Variants in HACE1 observed in about 807,000 individuals in gnomAD.
HACE1 encodes the protein E3 ubiquitin-protein ligase HACE1.
HACE1 carries 73 observed loss-of-function variants against 118.4 expected under a neutral mutation model. That is an observed-to-expected ratio of 0.62 (90% CI 0.51 to 0.75). The LOEUF is 0.75. Ranked by LOEUF, HACE1 falls within the 30% of genes least tolerant of loss-of-function variation. The pLI is 0.00. For synonymous variants in HACE1, 368 were observed against 374.8 expected (o/e 0.98, Z 0.21); for missense variants, 749 against 1,102.2 (o/e 0.68, Z 4.54).
Position 104,795,625 on chromosome 6 carries a change from T to C in HACE1, c.877A>G (p.Thr293Ala). The C allele has an allele frequency of 6.2e-7, 1 of 1,613,188 alleles. No homozygotes were observed. Among genetic ancestry groups the C allele is most frequent in the Non-Finnish European group, 8.5e-7 (1 of 1,179,224 alleles). The change falls in exon 10 of 24, where the codon ACA (threonine) becomes GCA (alanine). Residue 293 changes from threonine (T) to alanine (A), a missense_variant. This residue lies in a region of HACE1 where 267 missense variants were observed against 312.2 expected (regional missense o/e 0.86). Transcript: ENST00000262903. ...GTTGTAGCAACTTCAGCAAGGCTTG[T>C]TAGAATCTTTAGGTACTGGCTTTCA... The part of the protein sequence containing the change: ...QSESQYLKIL[T>A]SLAEVATTNG...
intron 22 of HACE1, 81 bp downstream of exon 22, chr6:104,744,079 T>G (rs774345937): frequency 5.9e-6 from 5 of 840,794 alleles, no homozygotes; most frequent in Admixed American, 1.8e-5. Flanking sequence ...AGAGTAATAA[T>G]TCCTTATTTT....
intron 9 of HACE1, among the ~76,000 whole-genome samples, chr6:104,796,085 G>A (rs1351049935): frequency 6.6e-6 from 1 of 151,860 alleles, no homozygotes; most frequent in East Asian, 1.9e-4. Flanking sequence ...TCTTGCCATG[G>A]GAATATTATT....
intron 5 of HACE1, among the ~76,000 whole-genome samples, chr6:104,835,128 G>A (rs2115106530): frequency 6.6e-6 from 1 of 152,320 alleles, no homozygotes; most frequent in African/African-American, 2.4e-5. Context: ...CAGTTCAAGA[G>A]TAAATGCCTA....
At chr6:104,775,419 T>C (rs997017268) in intron 17 of HACE1, among the ~76,000 whole-genome samples, 1 of 151,938 alleles carries the variant, frequency 6.6e-6, no homozygotes, top group Non-Finnish European at 1.5e-5. Flanking sequence ...TATGGGTCTA[T>C]GTACTTCAAC....
At chr6:104,777,800 TC>T (rs199596685) in intron 14 of HACE1, among the ~76,000 whole-genome samples, 2,036 of 152,310 alleles carry the variant, frequency 0.013, 25 homozygotes, top group Non-Finnish European at 0.02. Context: ...CACTCTGTTG[TC>T]CAGGCTGGAG....
chr6:104,833,281 A>G, intron 5 of HACE1, 108 bp from the exon 6 acceptor site: 1 of 990,302 alleles, frequency 1.0e-6, no homozygotes, highest in Non-Finnish European at 1.6e-6. Flanking sequence ...ATGCAAATCT[A>G]AAGGTGTTTT....
chr6:104,775,113 G>A (rs760514166), intron 17 of HACE1, among the ~76,000 whole-genome samples: 5 of 152,120 alleles, frequency 3.3e-5, no homozygotes, highest in Non-Finnish European at 5.9e-5. Context: ...AGGCCGAGGC[G>A]GGTAGATAAC....
chr6:104,848,735 T>A (rs538779299), intron 4 of HACE1, among the ~76,000 whole-genome samples: 2 of 152,162 alleles, frequency 1.3e-5, no homozygotes, highest in South Asian at 4.1e-4. Context: ...ATTTGCAAAA[T>A]GAGCCATGGA....
chr6:104,747,242 T>G (rs1777529048), intron 20 of HACE1, among the ~76,000 whole-genome samples: 1 of 152,178 alleles, frequency 6.6e-6, no homozygotes, highest in East Asian at 1.9e-4. Flanking sequence ...GGCATCAGCT[T>G]ACCTAGCATC....
At chr6:104,754,060 T>C (rs1013797484) in intron 19 of HACE1, among the ~76,000 whole-genome samples, 2 of 152,082 alleles carry the variant, frequency 1.3e-5, no homozygotes, top group Non-Finnish European at 2.9e-5. Flanking sequence ...GAGAGGAACA[T>C]AACAGATCTA....
chr6:104,843,521 G>A (rs1775315230), intron 4 of HACE1, among the ~76,000 whole-genome samples: 1 of 152,176 alleles, frequency 6.6e-6, no homozygotes, highest in Non-Finnish European at 1.5e-5. Context: ...CAATGACACA[G>A]TCAGGTTTTC....
At chr6:104,752,472 AATTATAT>A (rs1292524231) in intron 19 of HACE1, among the ~76,000 whole-genome samples, 1 of 151,858 alleles carries the variant, frequency 6.6e-6, no homozygotes, top group Non-Finnish European at 1.5e-5. Flanking sequence ...ATAATTAATT[AATTATAT>A]ATTATATTTT....
chr6:104,802,062 C>G (rs1562403419), intron 7 of HACE1, among the ~76,000 whole-genome samples: 2 of 147,226 alleles, frequency 1.4e-5, no homozygotes, highest in African/African-American at 5.0e-5. Context: ...GCAGGGGTTG[C>G]AATCCAGGTC....
At chr6:104,810,247 G>C (rs1435665036) in intron 7 of HACE1, among the ~76,000 whole-genome samples, 2 of 152,008 alleles carry the variant, frequency 1.3e-5, no homozygotes, top group African/African-American at 4.8e-5. Flanking sequence ...GAATCAGAAA[G>C]ATCTGGAAGT....
chr6:104,857,598 C>T lies in HACE1; in HGVS notation c.76+1969G>A, dbSNP rs892123894. 3.3e-5 allele frequency among the ~76,000 whole-genome samples: 5 copies of T among 151,494 alleles called. No homozygotes were observed. In the East Asian group the frequency reaches 7.8e-4, roughly 24 times the overall value. On this transcript the variant is annotated intron_variant, in intron 1 of 23. Transcript: ENST00000262903. ...GTTTAAAAACAGTATTTAGATTCAACATTTGTTACATGCATCCTATGAAAT... is the reference window on the plus strand; with the variant it reads ...GTTTAAAAACAGTATTTAGATTCAATATTTGTTACATGCATCCTATGAAAT...
chr6:104,820,267 G>A (rs967992412), intron 6 of HACE1, among the ~76,000 whole-genome samples: 5 of 151,264 alleles, frequency 3.3e-5, no homozygotes, highest in African/African-American at 4.9e-5. Flanking sequence ...ATACCATTCA[G>A]GACTTAGGCA....
rs1308119060 is a variant in HACE1, at chr6:104,728,706, C to T, written c.*956G>A. On this transcript the variant is annotated 3_prime_UTR_variant, in exon 24 of 24. Coordinates refer to ENST00000262903, the MANE Select transcript of HACE1 (RefSeq NM_020771.4). The stretch of plus-strand genomic sequence containing the variant: ...AACATATGCTGTAACTATTCAAGTA[C>T]GTCTTTTCAAAATAAAACTGATTAA... The T allele has an allele frequency of 3.3e-5, 5 of 152,084 alleles. No homozygotes were observed. Among genetic ancestry groups the T allele is most frequent in the Admixed American group, 1.3e-4 (2 of 15,252 alleles). The allele number at this position is 152,084 out of a possible 1,614,324, so 9.4% of individuals were successfully genotyped here.
At chr6:104,766,867 G>A (rs1476806703) in intron 19 of HACE1, 3 of 152,202 alleles carry the variant, frequency 2.0e-5, no homozygotes, top group Non-Finnish European at 4.4e-5. Context: ...ACCATACAGA[G>A]AAGACTGGAT....
intron 1 of HACE1, among the ~76,000 whole-genome samples, chr6:104,855,588 C>CT (rs1401224382): frequency 6.6e-6 from 1 of 152,068 alleles, no homozygotes; most frequent in Non-Finnish European, 1.5e-5. Context: ...TCTTATATTT[C>CT]TTTTTTTAAA....
Sources: gnomAD v4.1 joint callset for allele counts (sites outside exome capture counted in the v4.1 genomes callset) on GRCh38, gnomAD v4.1.1 for gene constraint, gnomAD v4.1.1 regional missense constraint, MANE v1.5 for transcripts, NCBI Gene and HGNC (gene_info 2026-07-23, HGNC 2026-07-21) for gene names.